C1orf159: variants seen among roughly 807,000 people sequenced by gnomAD.
C1orf159 encodes chromosome 1 open reading frame 159, also known as uncharacterized protein C1orf159.
A neutral mutation model predicts 25.6 loss-of-function variants in C1orf159; 19 were observed. The ratio of observed to expected loss-of-function variants is 0.74; its 90% CI spans 0.52 to 1.09. The LOEUF (loss-of-function observed/expected upper bound fraction) is 1.09. C1orf159 is among the 50% of genes least tolerant of loss of function. The probability of loss-of-function intolerance (pLI) is 0.00; values close to 1 mark genes in which losing one functional copy is unlikely to be tolerated. For missense variants in C1orf159, 274 were observed against 290.6 expected (o/e 0.94, Z 0.42); for synonymous variants, 139 against 124.7 (o/e 1.12, Z -0.77).
chr1:1,107,787 A>C (rs943396437), intron 1 of C1orf159, among the ~76,000 whole-genome samples: 5 of 152,180 alleles, frequency 3.3e-5, no homozygotes, highest in Non-Finnish European at 7.3e-5. Context: ...CGCTCTTTGC[A>C]ATAAATCTTG....
Position 1,091,030 on chromosome 1 carries a change from C to T in C1orf159, c.72+442G>A, listed in dbSNP as rs191754222. 777 of 1,441,310 alleles carry T rather than the reference C, an allele frequency of 5.4e-4. 1 individual carries two copies. In the Middle Eastern group the frequency reaches 9.4e-3, roughly 17 times the overall value. 89.3% of individuals were successfully genotyped at this position (1,441,310 alleles called of 1,614,324 possible). A position where few individuals can be genotyped will look rare whatever the true frequency, so the allele number is the denominator to read the frequency against. Reference sequence around the variant, plus strand: ...GGCGTCCAGGGGTGACTGCGGAGTGCGGGATAGAATCCACACCGCCAGGGA... The same window carrying T: ...GGCGTCCAGGGGTGACTGCGGAGTGTGGGATAGAATCCACACCGCCAGGGA... On this transcript the variant is annotated intron_variant, in intron 3 of 9. Coordinates refer to ENST00000421241, the MANE Select transcript of C1orf159 (RefSeq NM_017891.5).
intron 7 of C1orf159, among the ~76,000 whole-genome samples, 187 bp from the exon 8 acceptor site, chr1:1,084,693 G>A (rs942476982): frequency 2.0e-5 from 3 of 152,118 alleles, no homozygotes; most frequent in Non-Finnish European, 4.4e-5. Flanking sequence ...CATCAGCCTG[G>A]CCCTCGGTCC....
At chr1:1,111,699 G>GT (rs1646258730) in intron 1 of C1orf159, among the ~76,000 whole-genome samples, 1 of 152,338 alleles carries the variant, frequency 6.6e-6, no homozygotes, top group South Asian at 2.1e-4. Flanking sequence ...CCAGGCAGCA[G>GT]TAACTGAAAA....
Position 1,110,459 on chromosome 1 carries a change from T to A in C1orf159, c.-136+5601A>T, listed in dbSNP as rs78242240. On this transcript the variant is annotated intron_variant, in intron 1 of 9. Transcript: ENST00000421241. The surrounding 1 kb of genome is among the most constrained non-coding windows in gnomAD (Gnocchi z 4.8). The stretch of plus-strand genomic sequence containing the variant: ...GAATATATAAAGGACTTTCACAATC[T>A]GGTCATCAAAAAAATGGGCAAAAGA... Among the ~76,000 whole-genome samples, 3,909 of 152,070 alleles carry A rather than the reference T, an allele frequency of 0.026. 157 individuals carry two copies. The highest frequency in any genetic ancestry group is 0.086 in the African/African-American group (3,573 of 41,394).
intron 7 of C1orf159, 113 bp from the exon 8 acceptor site, chr1:1,084,619 C>T (rs1645800230): frequency 1.2e-5 from 17 of 1,361,658 alleles, no homozygotes; most frequent in Admixed American, 2.2e-5. Context: ...CAGCCCAGTG[C>T]GGCGTCCTCG....
At position 1,087,487 on chromosome 1, in the gene C1orf159, G is replaced by A; in HGVS notation, c.244+15C>T. 6.5e-7 allele frequency: 1 copy of A among 1,541,722 alleles called. No homozygotes were observed. The highest frequency in any genetic ancestry group is 8.8e-7 in the Non-Finnish European group (1 of 1,140,298). On this transcript the variant is annotated intron_variant, in intron 5 of 9. Transcript: ENST00000421241. This position sits in a 1 kb window ranked among gnomAD's most constrained non-coding sequence, Gnocchi z 8.3. ...AGCTGTGAGAAGGGAGCCGGGGGGA[G>A]CCGGGCAGACCTACAGCTTCTACAC...
In C1orf159 at chr1:1,085,925, A is replaced by T; in HGVS notation, c.398T>A (p.Leu133His). ...LILSVAGFFY[L>H]KRSSKLPRAC... ...CCTGGGGAGTTTACTGGAGCGCTTG[A>T]GGTAGAAGAACCCAGCTACGGAGAG... The change falls in exon 7 of 10, where the codon CTC becomes CAC. Residue 133 changes from leucine (L) to histidine (H), a missense_variant. By Grantham distance (99) the Leu-to-His change is moderately conservative. Coordinates refer to ENST00000421241, the MANE Select transcript of C1orf159 (RefSeq NM_017891.5). 1.4e-5 allele frequency: 22 copies of T among 1,613,300 alleles called. No homozygotes were observed. The highest frequency in any genetic ancestry group is 1.9e-5 in the Non-Finnish European group (22 of 1,179,792).
At chr1:1,100,424 C>T (rs531430164) in intron 1 of C1orf159, among the ~76,000 whole-genome samples, 21 of 152,176 alleles carry the variant, frequency 1.4e-4, no homozygotes, top group South Asian at 2.1e-4. Context: ...TGTGCCTCCC[C>T]GCTGTGCCCA....
intron 1 of C1orf159, among the ~76,000 whole-genome samples, chr1:1,104,384 G>A (rs1301977792): frequency 6.6e-6 from 1 of 152,220 alleles, no homozygotes; most frequent in African/African-American, 2.4e-5. Flanking sequence ...AGGAAACTGT[G>A]CTGGTTGCTT....
intron 1 of C1orf159, among the ~76,000 whole-genome samples, chr1:1,112,799 G>A (rs1001780946): frequency 1.1e-4 from 16 of 152,236 alleles, no homozygotes; most frequent in Non-Finnish European, 1.6e-4. Flanking sequence ...AGGTGAAACC[G>A]CACACCTGAT....
rs371260854 is a variant in C1orf159 at position 1,090,418 on chromosome 1, G to A, written c.83C>T (p.Pro28Leu). ...GCCCACCACATCCACACAGCACTCG[G>A]GCAGCTGGGCCTGGAGGGGACACGG... ...SKSMENTAQL[P>L]ECCVDVVGVN... Residue 28 changes from proline to leucine, a missense_variant, in exon 4 of 10, where the codon CCC becomes CTC. Pro to Leu is a moderately conservative substitution (Grantham distance 98, BLOSUM62 -3). Coordinates refer to ENST00000421241, the MANE Select transcript of C1orf159 (RefSeq NM_017891.5). The A allele has an allele frequency of 9.0e-5, 139 of 1,550,506 alleles. 2 individuals are homozygous for A. The East Asian group carries it at 2.2e-3, about 24-fold the overall frequency.
Position 1,087,684 on chromosome 1 carries a change from T to A in C1orf159, c.149-87A>T. On this transcript the variant is annotated intron_variant, in intron 4 of 9. Transcript: ENST00000421241. This position sits in a 1 kb window ranked among gnomAD's most constrained non-coding sequence, Gnocchi z 8.3. ...GGGAATGATTCTCTATTTGAGTTGG[T>A]GAGATAACTTTCATTCCAGATACTA... The A allele has an allele frequency of 2.0e-6, 2 of 1,005,032 alleles. No individual in the cohort carries two copies. The highest frequency in any genetic ancestry group is 1.5e-5 in the South Asian group (1 of 66,168). 62.3% of individuals were successfully genotyped at this position (1,005,032 alleles called of 1,614,324 possible).
chr1:1,088,277 C>T (rs1252488692), intron 4 of C1orf159, among the ~76,000 whole-genome samples: 14 of 95,590 alleles, frequency 1.5e-4, no homozygotes, highest in Admixed American at 3.9e-4. Flanking sequence ...GACCTCCCCA[C>T]GCCTCCCTGG....
intron 1 of C1orf159, among the ~76,000 whole-genome samples, chr1:1,111,718 G>A (rs564865264): frequency 6.6e-4 from 100 of 152,298 alleles, no homozygotes; most frequent in Non-Finnish European, 1.3e-3. Flanking sequence ...AAGGGGAGGC[G>A]GGAGGGTCCA....
In C1orf159 at chr1:1,087,745, A is replaced by G. The variant is rs898941582; in HGVS notation, c.149-148T>C. On this transcript the variant is annotated intron_variant, in intron 4 of 9. Transcript: ENST00000421241. This position sits in a 1 kb window ranked among gnomAD's most constrained non-coding sequence, Gnocchi z 8.3. Reference sequence around the variant, plus strand: ...GAGGGTAGGTGGGCGGCAGACAAGGACACCCCCAGGGAGCATGGCGGGGCC... The same window carrying G: ...GAGGGTAGGTGGGCGGCAGACAAGGGCACCCCCAGGGAGCATGGCGGGGCC... 14 of 653,482 alleles carry G rather than the reference A, an allele frequency of 2.1e-5. No homozygotes were observed. The highest frequency in any genetic ancestry group is 2.6e-5 in the Admixed American group (1 of 38,524). 40.5% of individuals were successfully genotyped at this position (653,482 alleles called of 1,614,324 possible).
In C1orf159 at chr1:1,084,372, G is replaced by A. The variant is rs755524287; in HGVS notation, c.483C>T (p.Ile161=). The A allele has an allele frequency of 1.3e-6, 2 of 1,567,348 alleles. No homozygotes were observed. The highest frequency in any genetic ancestry group is 1.7e-6 in the Non-Finnish European group (2 of 1,155,732). ...ALQPGEAAAM[I]PPPQSSVRKP... ...TGTTACCTGAGGACTGTGGCGGGGG[G>A]ATCATTGCAGCCTTGAAAAGGAGAG... The change falls in exon 9 of 10, where the codon ATC becomes ATT. Residue 161 remains isoleucine, a synonymous_variant. Transcript: ENST00000421241.
intron 1 of C1orf159, among the ~76,000 whole-genome samples, chr1:1,093,897 C>G (rs1240551247): frequency 5.3e-5 from 8 of 152,230 alleles, no homozygotes. Context: ...TACCCTCCCA[C>G]TGGCGATGTG....
intron 1 of C1orf159, among the ~76,000 whole-genome samples, chr1:1,102,624 A>T (rs954621825): frequency 0.015 from 1,631 of 111,436 alleles, 42 homozygotes; most frequent in African/African-American, 0.049. Flanking sequence ...TAAAAAAAAA[A>T]AAAAAAAAAA....
At chr1:1,099,783 G>T (rs74802535) in intron 1 of C1orf159, among the ~76,000 whole-genome samples, 1 of 80,472 alleles carries the variant, frequency 1.2e-5, no homozygotes, top group Non-Finnish European at 2.1e-5. Context: ...TCTAAGAATC[G>T]GAGAGAGAGG....
Sources: gnomAD v4.1 joint callset for allele counts (sites outside exome capture counted in the v4.1 genomes callset) on GRCh38, gnomAD v4.1.1 for gene constraint, Gnocchi (gnomAD v3.1) non-coding constraint, MANE v1.5 for transcripts, NCBI Gene and HGNC (gene_info 2026-07-23, HGNC 2026-07-21) for gene names.